The following FGF13 variants were observed in gnomAD, a reference collection of about 807,000 sequenced individuals.
The protein encoded by FGF13 is fibroblast growth factor homologous factor 2.
A neutral mutation model predicts 19.5 loss-of-function variants in FGF13; 2 were observed. That is an observed-to-expected ratio of 0.10 (90% CI 0.04 to 0.32). FGF13 has a LOEUF of 0.32. Ranked by LOEUF, FGF13 falls within the 10% of genes least tolerant of loss-of-function variation. The probability of loss-of-function intolerance (pLI) is 1.00; values close to 1 mark genes in which losing one functional copy is unlikely to be tolerated. For synonymous variants in FGF13, 72 were observed against 76.9 expected (o/e 0.94, Z 0.33); for missense variants, 113 against 192.7 (o/e 0.59, Z 2.45).
At chrX:138,747,120 C>G (rs1167222508) in intron 3 of FGF13, among the ~76,000 whole-genome samples, 2 of 111,262 alleles carry the variant, frequency 1.8e-5, no homozygotes, top group Non-Finnish European at 3.8e-5. Flanking sequence ...ACAAGGCTGA[C>G]AACAGAATCC....
At position 139,157,376 on chromosome X, in the gene FGF13, G is replaced by A. The variant is rs181099561; in HGVS notation, c.-113+46040C>T. Among the ~76,000 whole-genome samples the A allele has an allele frequency of 2.8e-4, 31 of 111,764 alleles. No individual in the cohort carries two copies. In the East Asian group the frequency reaches 8.2e-3, roughly 30 times the overall value. On this transcript the variant is annotated intron_variant, in intron 1 of 2. Transcript: ENST00000421460. ...TGCTATCTGAGAGACCTCTGCTATG[G>A]TTTAAATGTATCCTCCAAAAGTTCA...
intron 1 of FGF13, among the ~76,000 whole-genome samples, chrX:138,880,038 C>G (rs1316391878): frequency 8.9e-6 from 1 of 112,276 alleles, no homozygotes; most frequent in African/African-American, 3.2e-5. Context: ...ACAGACACTT[C>G]TTAAAAGAAG....
intron 3 of FGF13, among the ~76,000 whole-genome samples, chrX:138,652,305 T>C: frequency 9.0e-6 from 1 of 111,397 alleles, no homozygotes. Context: ...AGAGAAACCC[T>C]TATCTCTCCG....
At chrX:138,828,237 G>A (rs1354270986) in intron 3 of FGF13, among the ~76,000 whole-genome samples, 1 of 111,663 alleles carries the variant, frequency 9.0e-6, no homozygotes, top group African/African-American at 3.3e-5. Flanking sequence ...TAGTTGCCTC[G>A]ATTAACTAAT....
chrX:138,651,010 G>A (rs1350180469), intron 3 of FGF13, among the ~76,000 whole-genome samples: 1 of 111,838 alleles, frequency 8.9e-6, no homozygotes, highest in African/African-American at 3.2e-5. Flanking sequence ...TCTACTGAAG[G>A]AATGTTTACA....
At chrX:139,180,207 T>G (rs2084227857) in intron 1 of FGF13, among the ~76,000 whole-genome samples, 1 of 111,938 alleles carries the variant, frequency 8.9e-6, no homozygotes, top group South Asian at 3.7e-4. Context: ...ACGCACAAAA[T>G]AGACAGCTTA....
At chrX:139,082,384 A>G (rs2083376358) in intron 1 of FGF13, among the ~76,000 whole-genome samples, 1 of 111,471 alleles carries the variant, frequency 9.0e-6, no homozygotes, top group South Asian at 3.8e-4. Context: ...CTCCACCCAA[A>G]CTTCATGTCC....
chrX:138,826,805 A>G (rs1482253283), intron 3 of FGF13, among the ~76,000 whole-genome samples: 1 of 112,382 alleles, frequency 8.9e-6, no homozygotes, highest in Non-Finnish European at 1.9e-5. Context: ...AAATCCAAAT[A>G]CTCAAATAGT....
chrX:139,181,094 A>G (rs2084234353), intron 1 of FGF13, among the ~76,000 whole-genome samples: 1 of 112,450 alleles, frequency 8.9e-6, no homozygotes, highest in Admixed American at 9.4e-5. Context: ...AGCTCTACAG[A>G]ACCGAAACCT....
intron 3 of FGF13, among the ~76,000 whole-genome samples, chrX:138,646,298 C>G (rs1225451627): frequency 8.9e-6 from 1 of 112,013 alleles, no homozygotes; most frequent in East Asian, 2.8e-4. Context: ...ACACTGGAAC[C>G]TGGCATTAAC....
At chrX:138,866,106 T>A (rs2091321524) in intron 1 of FGF13, among the ~76,000 whole-genome samples, 2 of 112,623 alleles carry the variant, frequency 1.8e-5, no homozygotes, top group Non-Finnish European at 3.8e-5. Context: ...TGAGGCTACA[T>A]TTTTCCAGAA....
At chrX:139,149,234 C>T (rs1356196903) in intron 1 of FGF13, among the ~76,000 whole-genome samples, 1 of 111,901 alleles carries the variant, frequency 8.9e-6, no homozygotes, top group East Asian at 2.8e-4. Flanking sequence ...ATACTTAACA[C>T]ATCATTAATT....
At chrX:138,663,111 A>T (rs1602670084) in intron 3 of FGF13, among the ~76,000 whole-genome samples, 1 of 111,723 alleles carries the variant, frequency 9.0e-6, no homozygotes. Flanking sequence ...CTCTACTCAC[A>T]GTTAAGTTAT....
chrX:138,691,403 C>T (rs1441642093), intron 3 of FGF13, among the ~76,000 whole-genome samples: 1 of 112,001 alleles, frequency 8.9e-6, no homozygotes, highest in Non-Finnish European at 1.9e-5. Context: ...AGATTTGTTA[C>T]ACACAGGCTT....
rs779529725 is a variant in FGF13, at chrX:138,953,442, G to C, written c.-112-88792C>G. Among the ~76,000 whole-genome samples the C allele has an allele frequency of 4.7e-3, 519 of 110,578 alleles. 2 individuals carry two copies. The highest frequency in any genetic ancestry group is 0.016 in the African/African-American group (492 of 30,321). ...GGGGCCTGTGGTGGGGTGGGTGGAG[G>C]GGGGAGGGATAGCATTAGGAGATAT... On this transcript the variant is annotated intron_variant, in intron 1 of 2. Transcript: ENST00000421460.
chrX:138,797,198 T>G (rs1174679376), intron 3 of FGF13, among the ~76,000 whole-genome samples: 1 of 111,997 alleles, frequency 8.9e-6, no homozygotes, highest in Non-Finnish European at 1.9e-5. Flanking sequence ...CGTTTTATGT[T>G]TATGTCTTTA....
intron 1 of FGF13, among the ~76,000 whole-genome samples, chrX:138,923,001 T>C (rs966340333): frequency 8.9e-6 from 1 of 112,530 alleles, no homozygotes; most frequent in African/African-American, 3.2e-5. Flanking sequence ...ATTTGGAACA[T>C]GTGCATATTA....
rs1486633886 is a variant in FGF13 at position 138,774,045 on chromosome X, C to T, written c.218-65117G>A. ...TTACTGTCCTCTGTCCTTTCATTGT[C>T]CCATGCTTTTGCCTGTAAAGCTCTT... On this transcript the variant is annotated intron_variant, in intron 3 of 6. Coordinates refer to the FGF13 transcript ENST00000436198. Among the ~76,000 whole-genome samples the T allele has an allele frequency of 2.7e-5, 3 of 111,637 alleles. No homozygotes were observed. The East Asian group carries it at 8.5e-4, about 32-fold the overall frequency.
chrX:139,162,767 T>C (rs2084046175), intron 1 of FGF13, among the ~76,000 whole-genome samples: 1 of 112,444 alleles, frequency 8.9e-6, no homozygotes, highest in South Asian at 3.7e-4. Flanking sequence ...AAGACATTTA[T>C]GTGACCAACA....
Sources: allele counts gnomAD v4.1 joint callset (sites outside exome capture counted in the v4.1 genomes callset), GRCh38; gene constraint gnomAD v4.1.1; transcripts MANE v1.5; gene names NCBI Gene and HGNC (gene_info 2026-07-23, HGNC 2026-07-21).